Variants in EHBP1 observed in about 807,000 individuals in gnomAD.
EHBP1 encodes the protein EH domain binding protein 1, also known as EH domain-binding protein 1.
A neutral mutation model predicts 144.0 loss-of-function variants in EHBP1; 55 were observed. The ratio of observed to expected loss-of-function variants is 0.38; its 90% CI spans 0.31 to 0.48. The LOEUF is 0.48. EHBP1 is among the 20% of genes least tolerant of loss of function. The pLI, the probability that EHBP1 is intolerant of heterozygous loss-of-function variation, is 0.98. For synonymous variants in EHBP1, 469 were observed against 472.7 expected (o/e 0.99, Z 0.10); for missense variants, 1,200 against 1,364.2 (o/e 0.88, Z 1.90).
chr2:62,902,743 T>C (rs1355431673), intron 10 of EHBP1, among the ~76,000 whole-genome samples: 1 of 152,176 alleles, frequency 6.6e-6, no homozygotes, highest in Non-Finnish European at 1.5e-5. Flanking sequence ...ATATGTATGA[T>C]GAGACCATAG....
intron 5 of EHBP1, among the ~76,000 whole-genome samples, chr2:62,775,160 T>C (rs1457143683): frequency 6.6e-6 from 1 of 152,150 alleles, no homozygotes; most frequent in African/African-American, 2.4e-5. Flanking sequence ...AAATATATTT[T>C]AATAAGAGAG....
At chr2:63,026,987 C>G (rs2061008918) in intron 19 of EHBP1, among the ~76,000 whole-genome samples, 1 of 152,176 alleles carries the variant, frequency 6.6e-6, no homozygotes, top group African/African-American at 2.4e-5. Context: ...CAGAGCCACT[C>G]TGAAGGCTTT....
intron 16 of EHBP1, among the ~76,000 whole-genome samples, chr2:62,992,724 C>T (rs1285357286): frequency 1.3e-5 from 2 of 152,088 alleles, no homozygotes; most frequent in African/African-American, 2.4e-5. Flanking sequence ...GAGAATAGGC[C>T]ATTGGAGGGC....
At chr2:62,957,935 A>C (rs2057797113) in intron 14 of EHBP1, among the ~76,000 whole-genome samples, 1 of 152,170 alleles carries the variant, frequency 6.6e-6, no homozygotes, top group South Asian at 2.1e-4. Context: ...TATTTCAATA[A>C]GATACACAAA....
intron 10 of EHBP1, among the ~76,000 whole-genome samples, chr2:62,936,432 C>T (rs994953175): frequency 6.6e-6 from 1 of 152,118 alleles, no homozygotes; most frequent in African/African-American, 2.4e-5. Context: ...CTGATCCTCT[C>T]TATTATATGC....
intron 14 of EHBP1, among the ~76,000 whole-genome samples, chr2:62,977,789 A>G (rs540432452): frequency 6.6e-6 from 1 of 152,340 alleles, no homozygotes; most frequent in South Asian, 2.1e-4. Context: ...GTTTAAAAAA[A>G]TAACATATAC....
At chr2:62,866,243 C>T (rs2050027114) in intron 9 of EHBP1, among the ~76,000 whole-genome samples, 1 of 152,212 alleles carries the variant, frequency 6.6e-6, no homozygotes, top group Non-Finnish European at 1.5e-5. Context: ...AAGAATCAAA[C>T]TTATCTCAAG....
intron 12 of EHBP1, among the ~76,000 whole-genome samples, chr2:62,946,317 C>G (rs746243060): frequency 6.6e-6 from 1 of 152,110 alleles, no homozygotes; most frequent in East Asian, 1.9e-4. Context: ...AGAAGACTGT[C>G]CCATTAAAAT....
intron 7 of EHBP1, among the ~76,000 whole-genome samples, chr2:62,853,379 A>G (rs963492945): frequency 2.6e-5 from 4 of 152,226 alleles, no homozygotes; most frequent in Admixed American, 2.0e-4. Flanking sequence ...GCAACTCCTC[A>G]TCCTTTCAGG....
intron 9 of EHBP1, chr2:62,872,177 T>C (rs2050542864): frequency 6.6e-6 from 1 of 152,114 alleles, no homozygotes; most frequent in Non-Finnish European, 1.5e-5. Context: ...CCAACTTTGG[T>C]TTTTCTCTCT....
chr2:62,753,066 C>T (rs1009757843), intron 3 of EHBP1, among the ~76,000 whole-genome samples: 10 of 152,090 alleles, frequency 6.6e-5, no homozygotes, highest in Non-Finnish European at 7.3e-5. Context: ...GGTTATTTTG[C>T]TCGTTAGTTG....
intron 21 of EHBP1, among the ~76,000 whole-genome samples, chr2:63,039,326 G>A (rs952294010): frequency 4.6e-5 from 7 of 152,116 alleles, no homozygotes; most frequent in Admixed American, 4.6e-4. Context: ...ACAGTTTCAT[G>A]CTTTTCATAA....
At position 62,797,602 on chromosome 2, in the gene EHBP1, AC is replaced by A. The variant is rs1451283753; in HGVS notation, c.312+26212del. Among the ~76,000 whole-genome samples, 6 of 152,280 alleles carry A rather than the reference AC, an allele frequency of 3.9e-5. 1 individual carries two copies. Among genetic ancestry groups the A allele is most frequent in the Admixed American group, 2.6e-4 (4 of 15,296 alleles). On this transcript the variant is annotated intron_variant, in intron 5 of 22. Transcript: ENST00000431489. ...CAAGTTCATTGTACACTTCAACACAACCTTTTTTACTTAATAGGCAAACTTT... is the reference window on the plus strand; with the variant it reads ...CAAGTTCATTGTACACTTCAACACAACTTTTTTACTTAATAGGCAAACTTT...
At chr2:62,693,469 C>A (rs890626830) in intron 1 of EHBP1, among the ~76,000 whole-genome samples, 2 of 152,086 alleles carry the variant, frequency 1.3e-5, no homozygotes, top group African/African-American at 4.8e-5. Flanking sequence ...TTTCTCCCAT[C>A]TGTTGGTTAT....
chr2:62,856,334 C>T (rs894482329), intron 7 of EHBP1, among the ~76,000 whole-genome samples: 13 of 152,222 alleles, frequency 8.5e-5, no homozygotes, highest in Non-Finnish European at 1.6e-4. Context: ...CCTGTGGTTC[C>T]TGGCATCTCC....
chr2:62,749,853 G>A (rs959802033), intron 3 of EHBP1, among the ~76,000 whole-genome samples: 9 of 151,596 alleles, frequency 5.9e-5, no homozygotes, highest in Admixed American at 2.6e-4. Flanking sequence ...TTGTAAATTT[G>A]TTTGAGTTCT....
intron 21 of EHBP1, among the ~76,000 whole-genome samples, chr2:63,041,913 G>A (rs181662596): frequency 2.6e-5 from 4 of 152,214 alleles, no homozygotes; most frequent in Admixed American, 2.6e-4. Flanking sequence ...TATTTCTCTT[G>A]CCTTTTTTCA....
At position 62,867,928 on chromosome 2, in the gene EHBP1, C is replaced by A. The variant is rs376222359; in HGVS notation, c.998+2957C>A. On this transcript the variant is annotated intron_variant, in intron 9 of 22. Transcript: ENST00000431489. ...TTTTGACAAAGCTAGCAAAGAAAAT[C>A]AATTAGGAAATGATAATCTTTTCAA... Among the ~76,000 whole-genome samples the A allele has an allele frequency of 4.9e-4, 74 of 152,016 alleles. 1 individual carries two copies. The highest frequency in any genetic ancestry group is 1.6e-3 in the African/African-American group (66 of 41,466).
At chr2:62,842,956 T>G (rs1205457158) in intron 7 of EHBP1, among the ~76,000 whole-genome samples, 12 of 152,200 alleles carry the variant, frequency 7.9e-5, no homozygotes, top group African/African-American at 2.9e-4. Flanking sequence ...ATGTAATGAT[T>G]CAATAATTAT....
Sources: allele counts gnomAD v4.1 joint callset (sites outside exome capture counted in the v4.1 genomes callset), GRCh38; gene constraint gnomAD v4.1.1; transcripts MANE v1.5; gene names NCBI Gene and HGNC (gene_info 2026-07-23, HGNC 2026-07-21).